GPC5: variants seen among roughly 807,000 people sequenced by gnomAD.
The protein encoded by GPC5 is glypican 5.
Under a neutral mutation model 53.9 loss-of-function variants are expected in GPC5, and 47 were observed. The ratio of observed to expected loss-of-function variants is 0.87; its 90% CI spans 0.69 to 1.11. GPC5 has a LOEUF of 1.11. Ranked by LOEUF, GPC5 falls within the 50% of genes most tolerant of loss-of-function variation. GPC5 has a pLI of 0.00. For synonymous variants in GPC5, 286 were observed against 263.3 expected, an observed-to-expected ratio of 1.09 and a Z score of -0.84; for missense variants, 748 against 713.1, an observed-to-expected ratio of 1.05 and a Z score of -0.56.
chr13:91,537,814 A>G (rs1013223544), intron 2 of GPC5, among the ~76,000 whole-genome samples: 4 of 152,332 alleles, frequency 2.6e-5, no homozygotes, highest in Middle Eastern at 3.4e-3. Flanking sequence ...GAAAATATAC[A>G]ACATTACCAA....
intron 2 of GPC5, among the ~76,000 whole-genome samples, chr13:91,536,356 C>T (rs1179060855): frequency 1.3e-5 from 2 of 152,202 alleles, no homozygotes; most frequent in Non-Finnish European, 2.9e-5. Context: ...ATCTTCTGCT[C>T]TGCCTCTCAC....
intron 7 of GPC5, chr13:92,447,339 T>G (rs1426123711): frequency 6.6e-6 from 1 of 152,134 alleles, no homozygotes; most frequent in African/African-American, 2.4e-5. Flanking sequence ...TCTAGTCTCT[T>G]TGGTCTTTTA....
Position 92,352,748 on chromosome 13 carries a change from T to A in GPC5, c.1561+207759T>A, listed in dbSNP as rs980515066. On this transcript the variant is annotated intron_variant, in intron 7 of 7. Coordinates refer to ENST00000377067, the MANE Select transcript of GPC5 (RefSeq NM_004466.6). ...CTATGGTGTCTTGATATATCACTGG[T>A]GGAAGTATACATTAGTAAACCAGTT... is the stretch of plus-strand genomic sequence containing the variant. Among the ~76,000 whole-genome samples, 8 of 152,302 alleles carry A rather than the reference T, an allele frequency of 5.3e-5. No individual in the cohort carries two copies. In the East Asian group the frequency reaches 1.5e-3, roughly 29 times the overall value.
At chr13:92,176,874 C>T (rs1306951619) in intron 7 of GPC5, among the ~76,000 whole-genome samples, 1 of 152,160 alleles carries the variant, frequency 6.6e-6, no homozygotes, top group Non-Finnish European at 1.5e-5. Flanking sequence ...CTGGATAATT[C>T]AATTCTCCAT....
At chr13:91,557,518 C>A (rs2031026369) in intron 2 of GPC5, among the ~76,000 whole-genome samples, 1 of 152,090 alleles carries the variant, frequency 6.6e-6, no homozygotes, top group South Asian at 2.1e-4. Context: ...ATGTCCAGCC[C>A]CAGGGCTCCA....
chr13:92,342,161 C>G (rs2043372201), intron 7 of GPC5, among the ~76,000 whole-genome samples: 1 of 152,142 alleles, frequency 6.6e-6, no homozygotes. Context: ...CAGGCCACAT[C>G]TTCTTACCTT....
intron 2 of GPC5, among the ~76,000 whole-genome samples, chr13:91,636,697 G>A (rs147843781): frequency 7.7e-4 from 117 of 152,240 alleles, no homozygotes; most frequent in African/African-American, 2.2e-3. Flanking sequence ...ACTCATGCCC[G>A]TAATCCCAGT....
intron 7 of GPC5, among the ~76,000 whole-genome samples, chr13:92,644,138 C>T (rs529814961): frequency 6.6e-6 from 1 of 152,226 alleles, no homozygotes; most frequent in South Asian, 2.1e-4. Context: ...GCACTGAAAG[C>T]TTGAAGCAAT....
intron 7 of GPC5, among the ~76,000 whole-genome samples, chr13:92,651,364 T>C (rs947412337): frequency 6.6e-6 from 1 of 152,152 alleles, no homozygotes; most frequent in Admixed American, 6.6e-5. Flanking sequence ...AATGGTGTGA[T>C]GAAAATGGTA....
At chr13:91,470,692 C>A (rs559914) in intron 2 of GPC5, among the ~76,000 whole-genome samples, 77,876 of 151,876 alleles carry the variant, frequency 0.51, 20,719 homozygotes, top group Non-Finnish European at 0.6. Flanking sequence ...TTTAACTTAC[C>A]TGTTTATACA....
chr13:92,278,172 CT>C (rs1227754611), intron 7 of GPC5, among the ~76,000 whole-genome samples: 3 of 151,664 alleles, frequency 2.0e-5, no homozygotes, highest in Non-Finnish European at 4.4e-5. Context: ...GAAAGTTTGC[CT>C]TTTGGTAAAC....
intron 7 of GPC5, among the ~76,000 whole-genome samples, chr13:92,459,392 CT>C (rs1267826890): frequency 6.6e-6 from 1 of 152,150 alleles, no homozygotes; most frequent in African/African-American, 2.4e-5. Flanking sequence ...TGATTACACT[CT>C]GATTATGAAT....
chr13:92,080,535 A>G (rs895362139), intron 6 of GPC5, among the ~76,000 whole-genome samples: 1 of 152,180 alleles, frequency 6.6e-6, no homozygotes, highest in Non-Finnish European at 1.5e-5. Flanking sequence ...TACATCCATC[A>G]TATCACTTAT....
intron 7 of GPC5, among the ~76,000 whole-genome samples, chr13:92,347,881 ATTATATATATT>A (rs1566549796): frequency 0.11 from 252 of 2,332 alleles, 96 homozygotes; most frequent in African/African-American, 0.3. Context: ...TATAATATAT[ATTATATATATT>A]ATATATATAA....
intron 2 of GPC5, among the ~76,000 whole-genome samples, chr13:91,477,608 A>G (rs1168091177): frequency 2.6e-5 from 4 of 152,220 alleles, no homozygotes; most frequent in Admixed American, 2.6e-4. Context: ...TGACCTTTTC[A>G]GGTAAAACTG....
intron 6 of GPC5, among the ~76,000 whole-genome samples, chr13:91,950,421 C>T (rs2139058681): frequency 6.6e-6 from 1 of 150,410 alleles, no homozygotes; most frequent in South Asian, 2.2e-4. Context: ...AATGAGCTAC[C>T]TTCAATAAGC....
At chr13:92,455,055 A>C (rs1878205738) in intron 7 of GPC5, among the ~76,000 whole-genome samples, 1 of 152,184 alleles carries the variant, frequency 6.6e-6, no homozygotes, top group African/African-American at 2.4e-5. Context: ...TGTATTGAGA[A>C]AGAGGTACGA....
intron 6 of GPC5, among the ~76,000 whole-genome samples, chr13:92,022,069 G>T (rs569972244): frequency 2.0e-5 from 3 of 151,766 alleles, no homozygotes; most frequent in African/African-American, 4.8e-5. Context: ...GTATGATCTC[G>T]GTTCACTGCA....
chr13:91,513,878 T>C (rs538029538), intron 2 of GPC5, among the ~76,000 whole-genome samples: 2 of 152,358 alleles, frequency 1.3e-5, no homozygotes, highest in South Asian at 4.1e-4. Flanking sequence ...TATTACTATT[T>C]TGGGAATATT....
Sources: gnomAD v4.1 joint callset for allele counts (sites outside exome capture counted in the v4.1 genomes callset) on GRCh38, gnomAD v4.1.1 for gene constraint, MANE v1.5 for transcripts, NCBI Gene and HGNC (gene_info 2026-07-23, HGNC 2026-07-21) for gene names.